Variants in PIGL observed in about 807,000 individuals in gnomAD.
The protein encoded by PIGL is phosphatidylinositol glycan anchor biosynthesis class L, also known as N-acetylglucosaminyl-phosphatidylinositol de-N-acetylase.
PIGL carries 22 observed loss-of-function variants against 31.1 expected under a neutral mutation model. The observed-to-expected ratio is 0.71, with a 90% CI of 0.51 to 1.01. PIGL has a LOEUF of 1.01. Ranked by LOEUF, PIGL falls within the 50% of genes least tolerant of loss-of-function variation. PIGL has a pLI of 0.00. For synonymous variants in PIGL, 131 were observed against 117.4 expected (o/e 1.12, Z -0.75); for missense variants, 302 against 315.9 (o/e 0.96, Z 0.33).
chr17:16,229,276 CA>C (rs1212841903), intron 1 of PIGL, among the ~76,000 whole-genome samples: 4 of 149,104 alleles, frequency 2.7e-5, no homozygotes, highest in Non-Finnish European at 4.5e-5. Flanking sequence ...GTCCCTGTCT[CA>C]AAAAAAAACT....
At chr17:16,317,968 C>G in intron 6 of PIGL, 60 bp downstream of exon 6, 1 of 1,422,108 alleles carries the variant, frequency 7.0e-7, no homozygotes. Flanking sequence ...CCCCTGTCTC[C>G]TCAAAGCCCC....
intron 2 of PIGL, among the ~76,000 whole-genome samples, chr17:16,269,446 G>A (rs1304850243): frequency 2.0e-5 from 3 of 152,056 alleles, no homozygotes; most frequent in Non-Finnish European, 2.9e-5. Flanking sequence ...TCAGGAGTTC[G>A]AGACCAGCCT....
chr17:16,285,741 A>C (rs978894016), intron 2 of PIGL, among the ~76,000 whole-genome samples: 1 of 151,920 alleles, frequency 6.6e-6, no homozygotes, highest in African/African-American at 2.4e-5. Flanking sequence ...CTCTTTTTTC[A>C]GTCCTTTTTC....
At chr17:16,287,841 A>G (rs956628808) in intron 2 of PIGL, among the ~76,000 whole-genome samples, 1 of 152,196 alleles carries the variant, frequency 6.6e-6, no homozygotes, top group Admixed American at 6.5e-5. Flanking sequence ...GTGCAGAGCA[A>G]CAGAACTGCC....
intron 1 of PIGL, among the ~76,000 whole-genome samples, chr17:16,231,523 A>C (rs1035267789): frequency 1.3e-5 from 2 of 152,098 alleles, no homozygotes; most frequent in Non-Finnish European, 2.9e-5. Context: ...TACAGACATG[A>C]GCCACTATGC....
At chr17:16,320,412 GGA>G (rs1043879672) in intron 6 of PIGL, among the ~76,000 whole-genome samples, 3 of 126,892 alleles carry the variant, frequency 2.4e-5, no homozygotes, top group African/African-American at 6.1e-5. Context: ...GGAGAGAAAA[GGA>G]GAGAGGAAGG....
At chr17:16,320,929 C>A (rs1270836991) in intron 6 of PIGL, among the ~76,000 whole-genome samples, 1 of 133,722 alleles carries the variant, frequency 7.5e-6, no homozygotes, top group Non-Finnish European at 1.6e-5. Flanking sequence ...GCCACTGTGC[C>A]TGGCCATTTT....
intron 1 of PIGL, 169 bp downstream of exon 1, chr17:16,217,630 C>CACCA: frequency 1.8e-6 from 1 of 540,668 alleles, no homozygotes; most frequent in South Asian, 2.9e-5. Context: ...GGCCGGCTTA[C>CACCA]CTGGTGGGTT....
At chr17:16,243,801 C>T (rs554068366) in intron 2 of PIGL, among the ~76,000 whole-genome samples, 2 of 152,204 alleles carry the variant, frequency 1.3e-5, no homozygotes, top group Non-Finnish European at 2.9e-5. Flanking sequence ...TCACCTTGCC[C>T]ACTGCCTAGA....
chr17:16,322,228 G>A (rs567874375), intron 6 of PIGL, among the ~76,000 whole-genome samples: 1 of 152,076 alleles, frequency 6.6e-6, no homozygotes, highest in Non-Finnish European at 1.5e-5. Flanking sequence ...TGAGTAGCTG[G>A]GACTATAGGG....
intron 2 of PIGL, among the ~76,000 whole-genome samples, chr17:16,268,557 T>G (rs1313884821): frequency 6.6e-6 from 1 of 152,194 alleles, no homozygotes; most frequent in African/African-American, 2.4e-5. Flanking sequence ...CAAGCGATTC[T>G]CCTACCTTAG....
chr17:16,237,853 G>T (rs2092706012), intron 2 of PIGL, among the ~76,000 whole-genome samples: 1 of 146,710 alleles, frequency 6.8e-6, no homozygotes, highest in Admixed American at 6.8e-5. Context: ...CACACTGAAA[G>T]TCCTTTCCAA....
intron 2 of PIGL, among the ~76,000 whole-genome samples, chr17:16,254,107 G>A (rs116685275): frequency 0.048 from 7,217 of 151,922 alleles, 198 homozygotes; most frequent in African/African-American, 0.086. Flanking sequence ...ATTTTCCAAC[G>A]CCCTTCATCT....
In PIGL at chr17:16,223,705, C is replaced by T. The variant is rs1357259433; in HGVS notation, c.235+6244C>T. Among the ~76,000 whole-genome samples the T allele has an allele frequency of 4.0e-5, 6 of 151,376 alleles. No individual in the cohort carries two copies. In the South Asian group the frequency reaches 1.3e-3, roughly 32 times the overall value. The stretch of plus-strand genomic sequence containing the variant: ...GACCAACCTGGTCAACATAGTGAGA[C>T]CCCATCTATTTAAAAAAGAAAAAAA... On this transcript the variant is annotated intron_variant, in intron 1 of 6. Transcript: ENST00000225609.
intron 2 of PIGL, among the ~76,000 whole-genome samples, chr17:16,270,868 G>A (rs1568812976): frequency 6.7e-6 from 1 of 150,342 alleles, no homozygotes; most frequent in Non-Finnish European, 1.5e-5. Context: ...ATTCCAGCCT[G>A]TGCGACAGAG....
intron 3 of PIGL, chr17:16,312,935 GGGA>G (rs2093061403): frequency 6.7e-6 from 1 of 148,306 alleles, no homozygotes; most frequent in African/African-American, 2.6e-5. Flanking sequence ...GGAAGGGGGG[GGGA>G]GAGGGAGAGG....
At chr17:16,274,107 T>C (rs929824173) in intron 2 of PIGL, among the ~76,000 whole-genome samples, 5 of 152,176 alleles carry the variant, frequency 3.3e-5, no homozygotes, top group Admixed American at 6.5e-5. Context: ...TTTAAAGTGC[T>C]CTGAAGCTAA....
At chr17:16,317,525 G>A in intron 5 of PIGL, 3 of 1,236,728 alleles carry the variant, frequency 2.4e-6, no homozygotes, top group Non-Finnish European at 3.1e-6. Flanking sequence ...ACCTCTAGCA[G>A]CCAACCTTTT....
intron 5 of PIGL, chr17:16,316,952 T>A (rs1407965258): frequency 1.5e-5 from 20 of 1,300,448 alleles, no homozygotes; most frequent in Non-Finnish European, 1.8e-5. Context: ...CCTCAACCTG[T>A]CTAGCTTTTT....
Sources: gnomAD v4.1 joint callset for allele counts (sites outside exome capture counted in the v4.1 genomes callset) on GRCh38, gnomAD v4.1.1 for gene constraint, MANE v1.5 for transcripts, NCBI Gene and HGNC (gene_info 2026-07-23, HGNC 2026-07-21) for gene names.